Variants in CEP164 observed in about 807,000 individuals in gnomAD.
CEP164 encodes centrosomal protein 164, also known as centrosomal protein of 164 kDa.
Under a neutral mutation model 182.7 loss-of-function variants are expected in CEP164, and 162 were observed. The observed-to-expected ratio is 0.89, with a 90% confidence interval of 0.78 to 1.01. CEP164 has a LOEUF of 1.01. Ranked by LOEUF, CEP164 falls within the 50% of genes least tolerant of loss-of-function variation. The probability of loss-of-function intolerance (pLI) is 0.00; values close to 1 mark genes in which losing one functional copy is unlikely to be tolerated. For synonymous variants in CEP164, 661 were observed against 690.0 expected (o/e 0.96, Z 0.66); for missense variants, 1,735 against 1,790.4 (o/e 0.97, Z 0.56).
chr11:117,404,818 G>A (rs1380276197), intron 27 of CEP164, among the ~76,000 whole-genome samples: 1 of 152,204 alleles, frequency 6.6e-6, no homozygotes, highest in East Asian at 1.9e-4. Flanking sequence ...ACCCCTGACT[G>A]GGGCTGCTGC....
In CEP164 at chr11:117,409,410, G is replaced by A; in HGVS notation, c.3749-208G>A. On this transcript the variant is annotated intron_variant, in intron 29 of 32. Coordinates refer to ENST00000278935, the MANE Select transcript of CEP164 (RefSeq NM_014956.5). This position sits in a 1 kb window ranked among gnomAD's most constrained non-coding sequence, Gnocchi z 4.4. ...GCCCTTCACCCAGCACCTTGCCCTGGAAACCTGTTTCTCATGGCCAGCTTC... is the reference window on the plus strand; with the variant it reads ...GCCCTTCACCCAGCACCTTGCCCTGAAAACCTGTTTCTCATGGCCAGCTTC... The A allele has an allele frequency of 1.7e-6, 1 of 594,540 alleles. No individual in the cohort carries two copies. 36.8% of individuals were successfully genotyped at this position (594,540 alleles called of 1,614,324 possible). A position where few individuals can be genotyped will look rare whatever the true frequency, so the allele number is the denominator to read the frequency against.
chr11:117,362,405 C>G lies in CEP164; in HGVS notation c.554C>G (p.Pro185Arg). ...SGRQLGELML[P>R]SQGLKTSAYT... is the part of the protein sequence containing the mutation. Reference sequence around the variant, plus strand: ...TGACTGTCCTTCTCTATTTTGAAGCCTTCACAGGGTCTCAAGACCTCTGCT... The same window carrying G: ...TGACTGTCCTTCTCTATTTTGAAGCGTTCACAGGGTCTCAAGACCTCTGCT... Residue 185 changes from proline to arginine, a missense_variant and splice_region_variant, in exon 7 of 33, where the codon CCT (proline) becomes CGT (arginine). Coordinates refer to ENST00000278935, the MANE Select transcript of CEP164 (RefSeq NM_014956.5). 6.2e-7 allele frequency: 1 copy of G among 1,611,840 alleles called. No individual in the cohort carries two copies.
chr11:117,406,192 T>C (rs143667097), intron 27 of CEP164, among the ~76,000 whole-genome samples: 35 of 152,346 alleles, frequency 2.3e-4, no homozygotes, highest in African/African-American at 6.0e-4. Context: ...GAACTTACAG[T>C]TCCACTGGGG....
At chr11:117,369,647 C>T (rs769093570) in intron 8 of CEP164, among the ~76,000 whole-genome samples, 1 of 152,198 alleles carries the variant, frequency 6.6e-6, no homozygotes, top group Non-Finnish European at 1.5e-5. Context: ...AACAGGGAAT[C>T]AGGAAGTCTT....
At chr11:117,332,055 G>A (rs1182781652) in intron 1 of CEP164, among the ~76,000 whole-genome samples, 1 of 151,166 alleles carries the variant, frequency 6.6e-6, no homozygotes, top group African/African-American at 2.4e-5. Flanking sequence ...GAGCTTCTAG[G>A]CTCAAGTGAT....
chr11:117,361,711 T>G (rs1370897676), intron 5 of CEP164, 124 bp from the exon 6 acceptor site: 1 of 920,750 alleles, frequency 1.1e-6, no homozygotes, highest in East Asian at 2.4e-5. Context: ...ATTAGCAGCC[T>G]CTGAGCGGAG....
intron 1 of CEP164, among the ~76,000 whole-genome samples, chr11:117,329,155 G>A (rs929582239): frequency 6.6e-6 from 1 of 152,026 alleles, no homozygotes; most frequent in East Asian, 1.9e-4. Flanking sequence ...GGTATTCACC[G>A]GTGTGACCCT....
chr11:117,408,566 T>G, intron 28 of CEP164: 1 of 365,788 alleles, frequency 2.7e-6, no homozygotes, highest in Non-Finnish European at 5.2e-6. Context: ...CCTCCCACCC[T>G]GCTGTGAGGC....
chr11:117,359,493 C>T, intron 5 of CEP164: 1 of 985,430 alleles, frequency 1.0e-6, no homozygotes, highest in South Asian at 4.7e-5. Flanking sequence ...TCCTGATGAG[C>T]ATCTGATGCA....
intron 30 of CEP164, chr11:117,410,281 A>G: frequency 4.0e-6 from 2 of 506,126 alleles, no homozygotes; most frequent in South Asian, 2.2e-5. Flanking sequence ...CATTGTCGTC[A>G]TTATCTTAAT....
intron 27 of CEP164, among the ~76,000 whole-genome samples, chr11:117,404,792 T>G (rs144099611): frequency 0.015 from 2,267 of 152,318 alleles, 68 homozygotes; most frequent in African/African-American, 0.052. Flanking sequence ...CAGGGAGATG[T>G]GAGTTTTATC....
chr11:117,396,418 A>G (rs1017831744), intron 25 of CEP164, 132 bp from the exon 26 acceptor site: 26 of 844,012 alleles, frequency 3.1e-5, no homozygotes, highest in Admixed American at 1.1e-4. Flanking sequence ...GATGATATCT[A>G]TAAGTAAACA....
chr11:117,367,958 G>A (rs375793989), intron 8 of CEP164, among the ~76,000 whole-genome samples: 7 of 152,048 alleles, frequency 4.6e-5, no homozygotes, highest in East Asian at 1.9e-4. Flanking sequence ...CTATATAACC[G>A]TGTAAAGTAA....
Position 117,409,484 on chromosome 11 carries a change from C to T in CEP164, c.3749-134C>T, listed in dbSNP as rs2047080642. ...GAAGCCCTGCCATCCCTGACCCCCT[C>T]ATAAGGTTGAGGGGCTGTTGTCTGG... is the stretch of plus-strand genomic sequence containing the variant. On this transcript the variant is annotated intron_variant, in intron 29 of 32. Transcript: ENST00000278935. This position sits in a 1 kb window ranked among gnomAD's most constrained non-coding sequence, Gnocchi z 4.4. 2.6e-6 allele frequency: 2 copies of T among 778,204 alleles called. No individual in the cohort carries two copies. Among genetic ancestry groups the T allele is most frequent in the East Asian group, 2.5e-5 (1 of 40,450 alleles). The allele number at this position is 778,204 out of a possible 1,614,324, so 48.2% of individuals were successfully genotyped here.
chr11:117,392,952 G>T (rs1302726849), intron 19 of CEP164, 52 bp from the exon 20 acceptor site: 2 of 1,608,000 alleles, frequency 1.2e-6, no homozygotes, highest in African/African-American at 2.7e-5. Context: ...CAGGCCCTGA[G>T]TGCTGGTCCG....
At chr11:117,335,111 G>A (rs531623873) in intron 1 of CEP164, among the ~76,000 whole-genome samples, 6 of 152,214 alleles carry the variant, frequency 3.9e-5, no homozygotes, top group Non-Finnish European at 7.3e-5. Context: ...CCAGGCAGTG[G>A]GCCCCATCTG....
At chr11:117,385,152 C>A (rs975474192) in intron 14 of CEP164, 5 of 152,320 alleles carry the variant, frequency 3.3e-5, no homozygotes, top group African/African-American at 1.2e-4. Flanking sequence ...TCCCTGCTTT[C>A]CCTTCTTGCT....
chr11:117,409,873 C>G lies in CEP164; in HGVS notation c.4004C>G (p.Ala1335Gly). Residue 1335 changes from alanine (A) to glycine (G), a missense_variant, in exon 30 of 33, where the codon GCC (alanine) becomes GGC (glycine). Transcript: ENST00000278935. The surrounding 1 kb of genome is among the most constrained non-coding windows in gnomAD (Gnocchi z 4.4). ...GCTACACCCACGTCCACCCAATGGG[C>G]CTGGGATTCAGGGCAGGGGCCCAGG... ...SSATPTSTQW[A>G]WDSGQGPRLP... is the part of the protein sequence containing the mutation. The G allele has an allele frequency of 1.2e-6, 2 of 1,610,204 alleles. No homozygotes were observed. The highest frequency in any genetic ancestry group is 1.7e-6 in the Non-Finnish European group (2 of 1,179,702).
rs75863975 is a variant in CEP164, at chr11:117,380,221, C to T, written c.1318-393C>T. 5.1e-3 allele frequency among the ~76,000 whole-genome samples: 772 copies of T among 152,304 alleles called. 7 individuals are homozygous for T. The highest frequency in any genetic ancestry group is 0.017 in the African/African-American group (706 of 41,556). On this transcript the variant is annotated intron_variant, in intron 11 of 32. Coordinates refer to ENST00000278935, the MANE Select transcript of CEP164 (RefSeq NM_014956.5). ...CTTGTCATTCACTGGCACTGCTAAT[C>T]TGGGCCTCTGTGGATTTGGGGTACT...
Sources: gnomAD v4.1 joint callset for allele counts (sites outside exome capture counted in the v4.1 genomes callset) on GRCh38, gnomAD v4.1.1 for gene constraint, Gnocchi (gnomAD v3.1) non-coding constraint, MANE v1.5 for transcripts, NCBI Gene and HGNC (gene_info 2026-07-23, HGNC 2026-07-21) for gene names.